GRIK2: variants seen among roughly 807,000 people sequenced by gnomAD.
GRIK2 encodes glutamate ionotropic receptor kainate type subunit 2, also known as glutamate receptor ionotropic, kainate 2.
GRIK2 carries 32 observed loss-of-function variants against 100.3 expected under a neutral mutation model. The observed-to-expected ratio is 0.32, with a 90% CI of 0.24 to 0.43. The LOEUF (loss-of-function observed/expected upper bound fraction) is 0.43. Ranked by LOEUF, GRIK2 falls within the 20% of genes least tolerant of loss-of-function variation. GRIK2 has a pLI of 1.00. For synonymous variants in GRIK2, 417 were observed against 389.4 expected, an observed-to-expected ratio of 1.07 and a Z score of -0.83; for missense variants, 843 against 1,114.9, an observed-to-expected ratio of 0.76 and a Z score of 3.47.
intron 2 of GRIK2, among the ~76,000 whole-genome samples, chr6:101,480,179 C>T: frequency 6.6e-6 from 1 of 152,142 alleles, no homozygotes; most frequent in East Asian, 1.9e-4. Context: ...TGGATCACTT[C>T]AACTCAGAGA....
intron 2 of GRIK2, among the ~76,000 whole-genome samples, chr6:101,512,369 T>C (rs1297764352): frequency 6.6e-6 from 1 of 152,036 alleles, no homozygotes; most frequent in Non-Finnish European, 1.5e-5. Context: ...TTGTAGAAGA[T>C]CTGATTCTAT....
chr6:101,737,396 G>T (rs528707765), intron 7 of GRIK2, among the ~76,000 whole-genome samples: 1 of 152,336 alleles, frequency 6.6e-6, no homozygotes, highest in East Asian at 1.9e-4. Flanking sequence ...GTTCCACATG[G>T]CTGGGGAGCC....
At chr6:101,687,523 C>A (rs1771781914) in intron 7 of GRIK2, among the ~76,000 whole-genome samples, 1 of 151,878 alleles carries the variant, frequency 6.6e-6, no homozygotes, top group Non-Finnish European at 1.5e-5. Context: ...AGCTTCAAAG[C>A]TTGTTTTTGA....
Position 101,676,640 on chromosome 6 carries a change from G to C in GRIK2, c.559G>C (p.Glu187Gln). 6.5e-7 allele frequency: 1 copy of C among 1,545,408 alleles called. No individual in the cohort carries two copies. ...DDSTGLIRLQ[E>Q]LIKAPSRYNL... ...AATTAAAGGTCTCATTCGTTTGCAA[G>C]AGCTCATCAAAGCTCCATCAAGGTA... The change falls in exon 5 of 17, where the codon GAG (glutamate) becomes CAG (glutamine). Residue 187 changes from glutamate to glutamine, a missense_variant. By Grantham distance (29) the Glu-to-Gln change is conservative. Around this residue, in one of 3 missense-constraint regions of GRIK2, gnomAD observed 519 missense variants for 643.8 expected, o/e 0.81. Coordinates refer to ENST00000369134, the MANE Select transcript of GRIK2 (RefSeq NM_021956.5).
chr6:101,779,528 T>C lies in GRIK2; in HGVS notation c.952-20120T>C, dbSNP rs77295234. Among the ~76,000 whole-genome samples the C allele has an allele frequency of 7.3e-3, 1,117 of 152,308 alleles. 13 individuals are homozygous for C. The highest frequency in any genetic ancestry group is 0.025 in the African/African-American group (1,057 of 41,576). On this transcript the variant is annotated intron_variant, in intron 7 of 16. Transcript: ENST00000369134. ...AACAAGTTTTTGGCTGAAAAACATT[T>C]TTTGTAGGTTAACTAACTTATTTTG... is the stretch of plus-strand genomic sequence containing the variant.
chr6:101,610,170 A>C (rs986918671), intron 2 of GRIK2, among the ~76,000 whole-genome samples: 1 of 151,546 alleles, frequency 6.6e-6, no homozygotes, highest in African/African-American at 2.4e-5. Context: ...GCATTAAAAT[A>C]TTGCTTAAAG....
intron 2 of GRIK2, among the ~76,000 whole-genome samples, chr6:101,402,883 T>C (rs193184774): frequency 6.6e-6 from 1 of 152,158 alleles, no homozygotes; most frequent in Non-Finnish European, 1.5e-5. Flanking sequence ...CGCCCCAGGA[T>C]AGGGTGAAGG....
chr6:101,805,629 G>C (rs367771194), intron 9 of GRIK2, among the ~76,000 whole-genome samples: 1 of 151,908 alleles, frequency 6.6e-6, no homozygotes, highest in Non-Finnish European at 1.5e-5. Context: ...AGGAATGTCT[G>C]TTTTATGCCC....
chr6:101,947,523 A>T (rs1386370940), intron 14 of GRIK2, among the ~76,000 whole-genome samples: 1 of 152,196 alleles, frequency 6.6e-6, no homozygotes, highest in African/African-American at 2.4e-5. Context: ...AAGTACAGAG[A>T]TTCATGCTAA....
intron 2 of GRIK2, among the ~76,000 whole-genome samples, chr6:101,593,976 G>C (rs1356503811): frequency 6.6e-6 from 1 of 151,762 alleles, no homozygotes; most frequent in Non-Finnish European, 1.5e-5. Context: ...AATCTTGTAA[G>C]AAATAAAAGC....
At chr6:101,850,807 T>A (rs1218452414) in intron 10 of GRIK2, among the ~76,000 whole-genome samples, 1 of 152,102 alleles carries the variant, frequency 6.6e-6, no homozygotes, top group Non-Finnish European at 1.5e-5. Flanking sequence ...GATTTAAGAC[T>A]ATATGAGAAA....
chr6:101,902,123 A>G (rs1425306708), intron 12 of GRIK2, among the ~76,000 whole-genome samples: 2 of 151,990 alleles, frequency 1.3e-5, no homozygotes, highest in African/African-American at 4.8e-5. Context: ...GCATTTGCCA[A>G]TTTTCATAGT....
At chr6:101,764,065 G>GT (rs143113750) in intron 7 of GRIK2, among the ~76,000 whole-genome samples, 2 of 152,236 alleles carry the variant, frequency 1.3e-5, no homozygotes, top group African/African-American at 4.8e-5. Context: ...CCTGACACCA[G>GT]TATCTCCTGG....
chr6:101,664,934 AG>A (rs772102899), intron 4 of GRIK2, among the ~76,000 whole-genome samples: 38 of 152,330 alleles, frequency 2.5e-4, no homozygotes, highest in Admixed American at 1.1e-3. Context: ...ACATGAGAAC[AG>A]TATAGAAAAA....
At chr6:101,680,243 A>C (rs139478942) in intron 5 of GRIK2, among the ~76,000 whole-genome samples, 6 of 152,082 alleles carry the variant, frequency 3.9e-5, no homozygotes, top group South Asian at 2.1e-4. Flanking sequence ...CTCCTCAACA[A>C]CTTCCCCTAC....
At chr6:101,868,129 C>T (rs927003303) in intron 11 of GRIK2, among the ~76,000 whole-genome samples, 3 of 150,528 alleles carry the variant, frequency 2.0e-5, no homozygotes, top group African/African-American at 7.4e-5. Context: ...TTTGCCCCTA[C>T]AAACTGGAAG....
intron 7 of GRIK2, among the ~76,000 whole-genome samples, chr6:101,778,707 C>T (rs766358040): frequency 9.2e-5 from 14 of 152,180 alleles, no homozygotes; most frequent in East Asian, 3.9e-4. Context: ...GATATACTAA[C>T]GTTCTGTTCT....
intron 4 of GRIK2, among the ~76,000 whole-genome samples, chr6:101,672,657 G>A (rs1770529389): frequency 6.6e-6 from 1 of 151,652 alleles, no homozygotes; most frequent in Non-Finnish European, 1.5e-5. Context: ...GTGGGGGTTT[G>A]GTGTACACAT....
intron 2 of GRIK2, among the ~76,000 whole-genome samples, chr6:101,545,630 G>C (rs911288131): frequency 6.6e-6 from 1 of 152,066 alleles, no homozygotes; most frequent in African/African-American, 2.4e-5. Context: ...AATATACTGT[G>C]AATTTGTTAA....
Sources: gnomAD v4.1 joint callset for allele counts (sites outside exome capture counted in the v4.1 genomes callset) on GRCh38, gnomAD v4.1.1 for gene constraint, gnomAD v4.1.1 regional missense constraint, MANE v1.5 for transcripts, NCBI Gene and HGNC (gene_info 2026-07-23, HGNC 2026-07-21) for gene names.